FNIP2: variants seen among roughly 807,000 people sequenced by gnomAD.
The protein encoded by FNIP2 is folliculin interacting protein 2, also known as folliculin-interacting protein 2.
In FNIP2, 32 loss-of-function variants were observed where a neutral mutation model predicts 108.7. The observed-to-expected ratio is 0.29, with a 90% CI of 0.22 to 0.40. The LOEUF (loss-of-function observed/expected upper bound fraction) is 0.40. Among genes scored for constraint, FNIP2 ranks in the 10% least tolerant of loss-of-function variants. FNIP2 has a pLI of 1.00. For missense variants in FNIP2, 1,202 were observed against 1,381.6 expected, an observed-to-expected ratio of 0.87 and a Z score of 2.06; for synonymous variants, 480 against 496.7, an observed-to-expected ratio of 0.97 and a Z score of 0.45.
Position 158,905,463 on chromosome 4 carries a change from A to G in FNIP2, c.*919A>G, listed in dbSNP as rs184060137. The G allele has an allele frequency of 2.6e-5, 4 of 152,308 alleles. No homozygotes were observed. Among genetic ancestry groups the G allele is most frequent in the African/African-American group, 4.8e-5 (2 of 41,564 alleles). 9.4% of individuals were successfully genotyped at this position (152,308 alleles called of 1,614,324 possible). A position where few individuals can be genotyped will look rare whatever the true frequency, so the allele number is the denominator to read the frequency against. ...TTCCTTATAGTTAATACAAATGACT[A>G]TTTTTACTTTAAAAGGCACAGCTGT... On this transcript the variant is annotated 3_prime_UTR_variant, in exon 17 of 17. Transcript: ENST00000264433.
intron 14 of FNIP2, among the ~76,000 whole-genome samples, chr4:158,877,457 A>G (rs926745391): frequency 6.6e-5 from 10 of 152,268 alleles, no homozygotes; most frequent in Non-Finnish European, 1.2e-4. Flanking sequence ...CCTTAGTACA[A>G]CTCTTAAGCC....
chr4:158,850,759 GA>G (rs1353645263), intron 7 of FNIP2, among the ~76,000 whole-genome samples: 2 of 150,626 alleles, frequency 1.3e-5, no homozygotes, highest in Non-Finnish European at 2.9e-5. Context: ...TACTAAGGAG[GA>G]AATATGTGTA....
intron 1 of FNIP2, chr4:158,806,240 T>A: frequency 7.8e-7 from 1 of 1,289,298 alleles, no homozygotes; most frequent in Non-Finnish European, 1.0e-6. Flanking sequence ...CATTAAACCG[T>A]TCAGGAGATG....
In FNIP2 at chr4:158,859,128, A is replaced by T; in HGVS notation, c.929A>T (p.Lys310Ile). The T allele has an allele frequency of 6.2e-7, 1 of 1,614,046 alleles. No homozygotes were observed. Among genetic ancestry groups the T allele is most frequent in the East Asian group, 2.2e-5 (1 of 44,876 alleles). The part of the protein sequence containing the change: ...SSNPAMVRRK[K>I]IAISIIFSLC... The stretch of plus-strand genomic sequence containing the variant: ...AATCCAGCTATGGTTAGGAGGAAGA[A>T]AATTGCCATAAGCATCATCTTTTCC... The change falls in exon 9 of 17, where the codon AAA (lysine) becomes ATA (isoleucine). Residue 310 changes from lysine to isoleucine, a missense_variant. Lys to Ile is a moderately radical substitution (Grantham distance 102, BLOSUM62 -3). Transcript: ENST00000264433.
chr4:158,880,930 A>T (rs1222163492), intron 14 of FNIP2, among the ~76,000 whole-genome samples: 1 of 152,162 alleles, frequency 6.6e-6, no homozygotes, highest in Non-Finnish European at 1.5e-5. Flanking sequence ...AGTAGTGCTG[A>T]GAAGGTGACT....
At chr4:158,834,288 T>TTTCTCTCTCTCTCTCTC (rs1553959296) in intron 6 of FNIP2, 1 of 63,220 alleles carries the variant, frequency 1.6e-5, no homozygotes, top group South Asian at 7.3e-4. Context: ...CATGGAAGAC[T>TTTCTCTCTCTCTCTCTC]TCTCTCTCTC....
At chr4:158,888,279 T>C (rs1436330611) in intron 14 of FNIP2, among the ~76,000 whole-genome samples, 1 of 152,190 alleles carries the variant, frequency 6.6e-6, no homozygotes, top group Non-Finnish European at 1.5e-5. Context: ...TCTTGGAGTT[T>C]TTTCTCTTTT....
At chr4:158,857,921 G>A (rs919959797) in intron 8 of FNIP2, among the ~76,000 whole-genome samples, 1 of 152,086 alleles carries the variant, frequency 6.6e-6, no homozygotes, top group Non-Finnish European at 1.5e-5. Flanking sequence ...GCACCCCAGC[G>A]TGGGTGACAG....
chr4:158,853,398 T>A (rs976399028), intron 8 of FNIP2, among the ~76,000 whole-genome samples: 2 of 152,252 alleles, frequency 1.3e-5, no homozygotes, highest in African/African-American at 4.8e-5. Flanking sequence ...TTATTATACT[T>A]TAAGTTCTAA....
In FNIP2 at chr4:158,868,053, C is replaced by A; in HGVS notation, c.1466-49C>A. The A allele has an allele frequency of 6.3e-7, 1 of 1,592,878 alleles. No homozygotes were observed. Among genetic ancestry groups the A allele is most frequent in the Non-Finnish European group, 8.6e-7 (1 of 1,168,798 alleles). On this transcript the variant is annotated intron_variant, in intron 12 of 16. Coordinates refer to ENST00000264433, the MANE Select transcript of FNIP2 (RefSeq NM_020840.3). This position sits in a 1 kb window ranked among gnomAD's most constrained non-coding sequence, Gnocchi z 4.6. Reference sequence around the variant, plus strand: ...CTTGTAAAGACGGATATATCTGTGACATGCTAACCCCAGAGACCACTGCCT... The same window carrying A: ...CTTGTAAAGACGGATATATCTGTGAAATGCTAACCCCAGAGACCACTGCCT...
chr4:158,843,808 T>C (rs1057221703), intron 7 of FNIP2, among the ~76,000 whole-genome samples: 11 of 152,312 alleles, frequency 7.2e-5, no homozygotes, highest in East Asian at 3.9e-4. Flanking sequence ...TGTTTCCACA[T>C]GTATTTGAAT....
At chr4:158,882,567 G>T (rs1368869443) in intron 14 of FNIP2, among the ~76,000 whole-genome samples, 1 of 152,288 alleles carries the variant, frequency 6.6e-6, no homozygotes, top group Non-Finnish European at 1.5e-5. Context: ...AGGGGGAAAT[G>T]CGGAGAAAAG....
chr4:158,794,965 C>T (rs890767683), intron 1 of FNIP2, among the ~76,000 whole-genome samples: 7 of 152,208 alleles, frequency 4.6e-5, no homozygotes, highest in African/African-American at 1.4e-4. Flanking sequence ...CTAAACACCC[C>T]TCTGCTAAGA....
chr4:158,807,855 C>A (rs1396299678), intron 1 of FNIP2, among the ~76,000 whole-genome samples: 1 of 152,272 alleles, frequency 6.6e-6, no homozygotes, highest in East Asian at 1.9e-4. Context: ...TTAAAGAGAT[C>A]TGTTTGTAGA....
chr4:158,810,846 C>T (rs780581336), intron 1 of FNIP2, among the ~76,000 whole-genome samples: 2 of 152,208 alleles, frequency 1.3e-5, no homozygotes, highest in South Asian at 4.1e-4. Flanking sequence ...GCTTCTGAAG[C>T]CTTTTTTCCT....
chr4:158,788,298 G>A (rs1275863605), intron 1 of FNIP2, among the ~76,000 whole-genome samples: 2 of 152,148 alleles, frequency 1.3e-5, no homozygotes, highest in Non-Finnish European at 1.5e-5. Context: ...GAGTATAATT[G>A]CCTGTGCATG....
intron 3 of FNIP2, among the ~76,000 whole-genome samples, chr4:158,831,596 A>G (rs1049481014): frequency 6.6e-6 from 1 of 152,212 alleles, no homozygotes; most frequent in African/African-American, 2.4e-5. Flanking sequence ...GTTTCTCATA[A>G]CACAAATAAA....
chr4:158,882,214 A>G (rs1307146554), intron 14 of FNIP2, among the ~76,000 whole-genome samples: 1 of 149,502 alleles, frequency 6.7e-6, no homozygotes, highest in Admixed American at 6.6e-5. Context: ...AGAAGTGAGG[A>G]GCCCCTCCGC....
intron 1 of FNIP2, among the ~76,000 whole-genome samples, chr4:158,814,105 T>C (rs1331683984): frequency 1.3e-5 from 2 of 152,318 alleles, no homozygotes; most frequent in African/African-American, 2.4e-5. Context: ...TTCTCCTCCT[T>C]CTTCTTTTAA....
Sources: allele counts gnomAD v4.1 joint callset (sites outside exome capture counted in the v4.1 genomes callset), GRCh38; gene constraint gnomAD v4.1.1; non-coding constraint Gnocchi (gnomAD v3.1); transcripts MANE v1.5; gene names NCBI Gene and HGNC (gene_info 2026-07-23, HGNC 2026-07-21).